The following RBCK1 variants were observed in gnomAD, a reference collection of about 807,000 sequenced individuals.
RBCK1 encodes RANBP2-type and C3HC4-type zinc finger containing 1.
In RBCK1, 44 loss-of-function variants were observed where a neutral mutation model predicts 71.1. The ratio of observed to expected loss-of-function variants is 0.62; its 90% confidence interval spans 0.49 to 0.80. The LOEUF is 0.80. RBCK1 is among the 30% of genes least tolerant of loss of function. RBCK1 has a pLI of 0.00. For synonymous variants in RBCK1, 306 were observed against 279.7 expected, an observed-to-expected ratio of 1.09 and a Z score of -0.94; for missense variants, 569 against 685.0, an observed-to-expected ratio of 0.83 and a Z score of 1.89.
chr20:413,698 T>A (rs1458003589), intron 2 of RBCK1, among the ~76,000 whole-genome samples: 1 of 152,182 alleles, frequency 6.6e-6, no homozygotes. Flanking sequence ...GGTCAGAACC[T>A]GAGTTTTGAG....
intron 2 of RBCK1, among the ~76,000 whole-genome samples, chr20:415,275 G>A (rs567141022): frequency 6.6e-6 from 1 of 152,128 alleles, no homozygotes; most frequent in African/African-American, 2.4e-5. Context: ...GGCTGAGGTG[G>A]GAGGGTCACC....
At chr20:416,877 G>A (rs1029781569) in intron 2 of RBCK1, among the ~76,000 whole-genome samples, 1 of 152,144 alleles carries the variant, frequency 6.6e-6, no homozygotes, top group Admixed American at 6.5e-5. Flanking sequence ...TGAGCCTGTG[G>A]TCCCAGCTAC....
rs1196127823 is a variant in RBCK1, at chr20:417,987, G to A, written c.460+57G>A. On this transcript the variant is annotated intron_variant, in intron 4 of 11. Coordinates refer to ENST00000356286, the MANE Select transcript of RBCK1 (RefSeq NM_031229.4). The surrounding 1 kb of genome is among the most constrained non-coding windows in gnomAD (Gnocchi z 4.7). ...AGCGGGGGCCCTGGACTCACTTGAG[G>A]GCATAGGGCAAGCAGGGGCAGAGCC... The A allele has an allele frequency of 6.5e-7, 1 of 1,527,294 alleles. No homozygotes were observed. Among genetic ancestry groups the A allele is most frequent in the Non-Finnish European group, 8.8e-7 (1 of 1,134,738 alleles). 94.6% of individuals were successfully genotyped at this position (1,527,294 alleles called of 1,614,324 possible).
At position 428,069 on chromosome 20, in the gene RBCK1, G is replaced by A. The variant is rs912212006; in HGVS notation, c.1210-422G>A. ...TCTCAAAAGTTGAAGGTGAGGAGCC[G>A]GTAAACAGGTCTGGAGCCTGGTCTC... On this transcript the variant is annotated intron_variant, in intron 9 of 11. Coordinates refer to ENST00000356286, the MANE Select transcript of RBCK1 (RefSeq NM_031229.4). The surrounding 1 kb of genome is among the most constrained non-coding windows in gnomAD (Gnocchi z 5.7). Among the ~76,000 whole-genome samples, 4 of 152,178 alleles carry A rather than the reference G, an allele frequency of 2.6e-5. No individual in the cohort carries two copies. The highest frequency in any genetic ancestry group is 4.4e-5 in the Non-Finnish European group (3 of 68,034).
Position 420,949 on chromosome 20 carries a change from C to G in RBCK1, c.835C>G (p.Pro279Ala). 1 of 1,556,090 alleles carries G rather than the reference C, an allele frequency of 6.4e-7. No individual in the cohort carries two copies. The highest frequency in any genetic ancestry group is 8.7e-7 in the Non-Finnish European group (1 of 1,151,410). ...DQRSLVLNTEPAECPVCYSVL... is the reference protein window; with the variant it reads ...DQRSLVLNTEAAECPVCYSVL... Reference sequence around the variant, plus strand: ...GAGGAGCCTGGTGCTGAACACGGAGCCCGCCGAGTGCCCCGTGTGCTACTC... The same window carrying G: ...GAGGAGCCTGGTGCTGAACACGGAGGCCGCCGAGTGCCCCGTGTGCTACTC... Residue 279 changes from proline to alanine, a missense_variant, in exon 7 of 12, where the codon CCC becomes GCC. Transcript: ENST00000356286.
rs1297202904 is a variant in RBCK1, at chr20:420,902, T to G, written c.788T>G (p.Leu263Arg). The change falls in exon 7 of 12, where the codon CTG becomes CGG. Residue 263 changes from leucine (L) to arginine (R), a missense_variant. Leu to Arg is a moderately radical substitution (Grantham distance 102). Transcript: ENST00000356286. ...CAGCAGCAGCAGGAGGGGAACTACCTGCAGCACGTCCAGCTGGACCAGAGG... is the reference window on the plus strand; with the variant it reads ...CAGCAGCAGCAGGAGGGGAACTACCGGCAGCACGTCCAGCTGGACCAGAGG... ...RKQQQQEGNY[L>R]QHVQLDQRSL... 1 of 1,548,846 alleles carries G rather than the reference T, an allele frequency of 6.5e-7. No individual in the cohort carries two copies. Among genetic ancestry groups the G allele is most frequent in the Admixed American group, 2.0e-5 (1 of 51,220 alleles).
At position 428,869 on chromosome 20, in the gene RBCK1, C is replaced by T. The variant is rs1431597585; in HGVS notation, c.1309-82C>T. On this transcript the variant is annotated intron_variant, in intron 10 of 11. Transcript: ENST00000356286. The surrounding 1 kb of genome is among the most constrained non-coding windows in gnomAD (Gnocchi z 5.7). ...AGACTCCACAGCTCTAGAGGGTCAC[C>T]ACCTTCTCCCTGCCATGGGGAGGGG... 1.3e-6 allele frequency: 2 copies of T among 1,496,920 alleles called. No homozygotes were observed. The highest frequency in any genetic ancestry group is 1.4e-5 in the African/African-American group (1 of 71,868). 92.7% of individuals were successfully genotyped at this position (1,496,920 alleles called of 1,614,324 possible). A position where few individuals can be genotyped will look rare whatever the true frequency, so the allele number is the denominator to read the frequency against.
At chr20:426,378 A>G (rs1262953484) in intron 8 of RBCK1, among the ~76,000 whole-genome samples, 1 of 152,188 alleles carries the variant, frequency 6.6e-6, no homozygotes, top group Non-Finnish European at 1.5e-5. Context: ...TCTGGTAAGC[A>G]TCCTTTTACT....
rs946867090 is a variant in RBCK1, at chr20:428,072, A to G, written c.1210-419A>G. On this transcript the variant is annotated intron_variant, in intron 9 of 11. Transcript: ENST00000356286. The surrounding 1 kb of genome is among the most constrained non-coding windows in gnomAD (Gnocchi z 5.7). Reference sequence around the variant, plus strand: ...CAAAAGTTGAAGGTGAGGAGCCGGTAAACAGGTCTGGAGCCTGGTCTCAGA... The same window carrying G: ...CAAAAGTTGAAGGTGAGGAGCCGGTGAACAGGTCTGGAGCCTGGTCTCAGA... Among the ~76,000 whole-genome samples, 1 of 152,306 alleles carries G rather than the reference A, an allele frequency of 6.6e-6. No homozygotes were observed. Among genetic ancestry groups the G allele is most frequent in the Admixed American group, 6.5e-5 (1 of 15,306 alleles).
At chr20:418,604 G>C (rs528821769) in intron 4 of RBCK1, among the ~76,000 whole-genome samples, 1 of 152,132 alleles carries the variant, frequency 6.6e-6, no homozygotes, top group Non-Finnish European at 1.5e-5. Flanking sequence ...TCCTGACTTT[G>C]TGATCCGCCC....
rs201645896 is a variant in RBCK1 at position 420,922 on chromosome 20, C to G, written c.808C>G (p.Gln270Glu). ...GNYLQHVQLD[Q>E]RSLVLNTEPA... Reference sequence around the variant, plus strand: ...CTACCTGCAGCACGTCCAGCTGGACCAGAGGAGCCTGGTGCTGAACACGGA... The same window carrying G: ...CTACCTGCAGCACGTCCAGCTGGACGAGAGGAGCCTGGTGCTGAACACGGA... Residue 270 changes from glutamine to glutamate, a missense_variant, in exon 7 of 12, where the codon CAG becomes GAG. Gln to Glu is a conservative substitution (Grantham distance 29). Around this residue, in one of 2 missense-constraint regions of RBCK1, gnomAD observed 358 missense variants for 375.6 expected, o/e 0.95. Coordinates refer to ENST00000356286, the MANE Select transcript of RBCK1 (RefSeq NM_031229.4). The G allele has an allele frequency of 1.2e-4, 188 of 1,555,296 alleles. No individual in the cohort carries two copies. Among genetic ancestry groups the G allele is most frequent in the Non-Finnish European group, 1.4e-4 (164 of 1,151,278 alleles).
At chr20:427,223 G>A (rs540465178) in intron 8 of RBCK1, 90 bp from the exon 9 acceptor site, 2 of 1,332,646 alleles carry the variant, frequency 1.5e-6, no homozygotes, top group Non-Finnish European at 2.1e-6. Context: ...GAGTTTCTGG[G>A]CTGGGGGCTT....
At chr20:421,197 AAG>A (rs1288398607) in intron 7 of RBCK1, among the ~76,000 whole-genome samples, 166 bp downstream of exon 7, 2 of 152,168 alleles carry the variant, frequency 1.3e-5, no homozygotes, top group African/African-American at 2.4e-5. Context: ...ACCTGAGGGA[AAG>A]AGAGGCCCAG....
intron 2 of RBCK1, chr20:410,595 C>G: frequency 1.3e-6 from 1 of 778,442 alleles, no homozygotes; most frequent in Non-Finnish European, 2.4e-6. Flanking sequence ...TGAGGGGAGA[C>G]TGTATAGCCA....
In RBCK1 at chr20:419,479, C is replaced by T; in HGVS notation, c.582+11C>T. The stretch of plus-strand genomic sequence containing the variant: ...CCTGAGCCCCCACCGGTAAGCTGTC[C>T]TTGGCCTCAGTATCCTCTTCTGTGC... On this transcript the variant is annotated intron_variant, in intron 5 of 11. Coordinates refer to ENST00000356286, the MANE Select transcript of RBCK1 (RefSeq NM_031229.4). 1.2e-6 allele frequency: 2 copies of T among 1,605,096 alleles called. No individual in the cohort carries two copies. Among genetic ancestry groups the T allele is most frequent in the Non-Finnish European group, 1.7e-6 (2 of 1,175,746 alleles).
Position 431,919 on chromosome 20 carries a change from C to T in RBCK1, c.*1489C>T, listed in dbSNP as rs373662135. On this transcript the variant is annotated 3_prime_UTR_variant, in exon 12 of 12. Transcript: ENST00000356286. The surrounding 1 kb of genome is among the most constrained non-coding windows in gnomAD (Gnocchi z 4.8). ...TGTGGATGGGACCAGCTCAGGCAGA[C>T]GCTGTCTCATACCCACTCTCCCCTC... is the stretch of plus-strand genomic sequence containing the variant. Among the ~76,000 whole-genome samples the T allele has an allele frequency of 6.6e-5, 10 of 152,196 alleles. No homozygotes were observed. Among genetic ancestry groups the T allele is most frequent in the Non-Finnish European group, 1.2e-4 (8 of 68,042 alleles).
intron 2 of RBCK1, among the ~76,000 whole-genome samples, chr20:411,656 C>G (rs937046565): frequency 6.6e-6 from 1 of 152,180 alleles, no homozygotes; most frequent in South Asian, 2.1e-4. Context: ...CGTGAGCCAC[C>G]ACACCCAGCC....
chr20:421,631 G>A (rs573348550), intron 7 of RBCK1, among the ~76,000 whole-genome samples: 1 of 152,298 alleles, frequency 6.6e-6, no homozygotes, highest in South Asian at 2.1e-4. Context: ...CCCAGAGCAG[G>A]GACCGGAAGG....
At chr20:421,158 G>C in intron 7 of RBCK1, 127 bp downstream of exon 7, 1 of 1,199,480 alleles carries the variant, frequency 8.3e-7, no homozygotes, top group Non-Finnish European at 1.1e-6. Flanking sequence ...TACGAGGTAG[G>C]CTCCGTCTCC....
Sources: allele counts gnomAD v4.1 joint callset (sites outside exome capture counted in the v4.1 genomes callset), GRCh38; gene constraint gnomAD v4.1.1; regional missense constraint gnomAD v4.1.1; non-coding constraint Gnocchi (gnomAD v3.1); transcripts MANE v1.5; gene names NCBI Gene and HGNC (gene_info 2026-07-23, HGNC 2026-07-21).